Variants in ELF1 observed in about 807,000 individuals in gnomAD.
ELF1 encodes the protein E74 like ETS transcription factor 1, also known as ETS-related transcription factor Elf-1.
A neutral mutation model predicts 59.9 loss-of-function variants in ELF1; 24 were observed. That is an observed-to-expected ratio of 0.40 (90% CI 0.29 to 0.56). The LOEUF is 0.56. Ranked by LOEUF, ELF1 falls within the 20% of genes least tolerant of loss-of-function variation. The probability of loss-of-function intolerance (pLI) is 0.44; values close to 1 mark genes in which losing one functional copy is unlikely to be tolerated. For missense variants in ELF1, 627 were observed against 742.2 expected, an observed-to-expected ratio of 0.84 and a Z score of 1.80; for synonymous variants, 248 against 266.2, an observed-to-expected ratio of 0.93 and a Z score of 0.67.
intron 1 of ELF1, among the ~76,000 whole-genome samples, chr13:41,060,038 G>C (rs1401285673): frequency 6.6e-6 from 1 of 152,100 alleles, no homozygotes; most frequent in Admixed American, 6.5e-5. Context: ...GCCTTTTTTC[G>C]AGGGTACTTT....
At chr13:40,936,643 C>G (rs1378958381) in intron 8 of ELF1, among the ~76,000 whole-genome samples, 3 of 151,656 alleles carry the variant, frequency 2.0e-5, no homozygotes, top group African/African-American at 4.8e-5. Flanking sequence ...CGCCTGTAGT[C>G]CCAGCTGCTG....
At chr13:41,041,847 TTAGTA>T (rs1233566847) in intron 1 of ELF1, among the ~76,000 whole-genome samples, 31 of 152,266 alleles carry the variant, frequency 2.0e-4, no homozygotes, top group South Asian at 8.3e-4. Flanking sequence ...TGATCAGAAG[TTAGTA>T]TAGTAACATA....
chr13:41,029,553 T>G (rs775398826), intron 1 of ELF1, among the ~76,000 whole-genome samples: 3 of 152,078 alleles, frequency 2.0e-5, no homozygotes, highest in Non-Finnish European at 4.4e-5. Flanking sequence ...GGCTAATTTT[T>G]ATGTTTTCTG....
chr13:40,958,907 A>T lies in ELF1; in HGVS notation c.182T>A (p.Ile61Asn). The T allele has an allele frequency of 6.2e-7, 1 of 1,614,080 alleles. No homozygotes were observed. The highest frequency in any genetic ancestry group is 8.5e-7 in the Non-Finnish European group (1 of 1,180,012). ...AGCAACATCCAGTGAACTCTCAGTA[A>T]TCATGTCATTGGGCTCTTCCACACA... Reference protein sequence around the residue: ...LACVEEPNDMITESSLDVAEE... With the variant: ...LACVEEPNDMNTESSLDVAEE... The change falls in exon 3 of 9, where the codon ATT becomes AAT. Residue 61 changes from isoleucine (I) to asparagine (N), a missense_variant. Ile to Asn is a moderately radical substitution (Grantham distance 149). Around this residue, in one of 3 missense-constraint regions of ELF1, gnomAD observed 232 missense variants for 269.2 expected, o/e 0.86. Transcript: ENST00000239882.
At chr13:41,035,407 CTTTT>C (rs373705779) in intron 1 of ELF1, among the ~76,000 whole-genome samples, 1 of 148,786 alleles carries the variant, frequency 6.7e-6, no homozygotes, top group East Asian at 1.9e-4. Context: ...AATGATAAAC[CTTTT>C]TTTTTTCCCT....
At chr13:40,971,628 T>C (rs1043717376) in intron 2 of ELF1, among the ~76,000 whole-genome samples, 2 of 152,210 alleles carry the variant, frequency 1.3e-5, no homozygotes, top group African/African-American at 2.4e-5. Context: ...CTAAGTAAAA[T>C]GGTCTTTTCT....
At position 40,933,642 on chromosome 13, in the gene ELF1, G is replaced by A. The variant is rs200335001; in HGVS notation, c.1643C>T (p.Pro548Leu). The stretch of plus-strand genomic sequence containing the variant: ...AACTGAAGTGATTACAGTGCCAGGT[G>A]GGTGAGCAACCAGCTGTGAACTGCG... ...SPRSSQLVAH[P>L]PGTVITSVIK... Residue 548 changes from proline (P) to leucine (L), a missense_variant, in exon 9 of 9, where the codon CCA (proline) becomes CTA (leucine). Transcript: ENST00000239882. 40 of 1,614,246 alleles carry A rather than the reference G, an allele frequency of 2.5e-5. No homozygotes were observed. The Admixed American group carries it at 6.2e-4, about 25-fold the overall frequency.
intron 2 of ELF1, among the ~76,000 whole-genome samples, chr13:40,974,590 G>C (rs1872789805): frequency 1.3e-5 from 2 of 152,122 alleles, no homozygotes; most frequent in Non-Finnish European, 1.5e-5. Flanking sequence ...CTAAACACTA[G>C]CTACTAAAAT....
chr13:40,934,067 A>C, intron 8 of ELF1, 39 bp from the exon 9 acceptor site: 2 of 1,560,046 alleles, frequency 1.3e-6, no homozygotes, highest in Non-Finnish European at 1.7e-6. Context: ...CAATTAGCAT[A>C]TTCTACATCA....
intron 2 of ELF1, among the ~76,000 whole-genome samples, chr13:40,967,212 C>A (rs974632690): frequency 2.2e-4 from 33 of 152,316 alleles, no homozygotes; most frequent in African/African-American, 6.7e-4. Flanking sequence ...AAACCCAGCA[C>A]CTTACTCTAT....
chr13:41,048,477 G>C (rs1042237925), intron 1 of ELF1, among the ~76,000 whole-genome samples: 8 of 152,120 alleles, frequency 5.3e-5, no homozygotes, highest in African/African-American at 1.9e-4. Flanking sequence ...GGAGTGCAGT[G>C]GTACAAACAC....
chr13:40,983,616 TA>T lies in ELF1; in HGVS notation c.-228-1335del, dbSNP rs550128817. On this transcript the variant is annotated intron_variant, in intron 1 of 8. Coordinates refer to ENST00000239882, the MANE Select transcript of ELF1 (RefSeq NM_172373.4). The stretch of plus-strand genomic sequence containing the variant: ...ATCCACTCCCTTTTAACAGGAAGTT[TA>T]ACTCCAACACTGGGAAAGTATTTTT... Among the ~76,000 whole-genome samples the T allele has an allele frequency of 1.3e-3, 195 of 152,296 alleles. No individual in the cohort carries two copies. In the Middle Eastern group the frequency reaches 0.017, roughly 13 times the overall value.
chr13:40,960,374 T>C (rs1871739983), intron 2 of ELF1, among the ~76,000 whole-genome samples: 1 of 152,216 alleles, frequency 6.6e-6, no homozygotes, highest in African/African-American at 2.4e-5. Flanking sequence ...TCTGAGAAGT[T>C]CTTTGCTCTT....
chr13:41,043,910 T>A (rs951657132), intron 1 of ELF1, among the ~76,000 whole-genome samples: 3 of 152,192 alleles, frequency 2.0e-5, no homozygotes, highest in African/African-American at 4.8e-5. Flanking sequence ...TTTTGCAATA[T>A]TGATTCTGCC....
chr13:40,971,975 C>T (rs1393001620), intron 2 of ELF1, among the ~76,000 whole-genome samples: 2 of 151,314 alleles, frequency 1.3e-5, no homozygotes, highest in Non-Finnish European at 2.9e-5. Context: ...TAAATTTTAA[C>T]CAGATGTAAA....
intron 1 of ELF1, among the ~76,000 whole-genome samples, chr13:41,016,782 C>T (rs1158450194): frequency 6.6e-6 from 1 of 150,386 alleles, no homozygotes; most frequent in Non-Finnish European, 1.5e-5. Context: ...GGCGTGGTGG[C>T]GCATGCCTGT....
intron 1 of ELF1, among the ~76,000 whole-genome samples, chr13:41,012,905 C>T (rs1156759790): frequency 2.0e-5 from 3 of 152,058 alleles, no homozygotes; most frequent in African/African-American, 7.2e-5. Flanking sequence ...ATTTTTATAA[C>T]TTTACTACAT....
chr13:40,944,986 A>C (rs1380822693), intron 5 of ELF1, among the ~76,000 whole-genome samples: 5 of 152,200 alleles, frequency 3.3e-5, no homozygotes. Context: ...AGTGTCAAAA[A>C]GCCCGCTCTT....
chr13:41,015,783 G>A (rs1875321746), intron 1 of ELF1, among the ~76,000 whole-genome samples: 1 of 152,104 alleles, frequency 6.6e-6, no homozygotes, highest in Admixed American at 6.5e-5. Context: ...TTAAAGATGT[G>A]CCATCTTTAA....
Sources: allele counts gnomAD v4.1 joint callset (sites outside exome capture counted in the v4.1 genomes callset), GRCh38; gene constraint gnomAD v4.1.1; regional missense constraint gnomAD v4.1.1; transcripts MANE v1.5; gene names NCBI Gene and HGNC (gene_info 2026-07-23, HGNC 2026-07-21).